The following PENK variants were observed in gnomAD, a reference collection of about 807,000 sequenced individuals.
PENK encodes proenkephalin.
PENK carries 25 observed loss-of-function variants against 24.1 expected under a neutral mutation model. The observed-to-expected ratio is 1.04, with a 90% confidence interval of 0.76 to 1.45. The LOEUF is 1.45. PENK is among the 40% of genes most tolerant of loss of function. The pLI is 0.00. For synonymous variants in PENK, 135 were observed against 130.3 expected (o/e 1.04, Z -0.24); for missense variants, 353 against 337.9 (o/e 1.04, Z -0.35).
Position 56,441,425 on chromosome 8 carries a change from T to C in PENK, c.651A>G (p.Val217=). 2 of 1,614,036 alleles carry C rather than the reference T, an allele frequency of 1.2e-6. No individual in the cohort carries two copies. The highest frequency in any genetic ancestry group is 4.5e-5 in the East Asian group (2 of 44,878). ...AGTCCATCCACCACTCTGGGCGACC[T>C]ACTCTTCTCATGAAGCCCCCATATC... ...QKRYGGFMRR[V]GRPEWWMDYQ... is the part of the protein sequence containing the mutation. The change falls in exon 4 of 4, where the codon GTA becomes GTG. Residue 217 remains valine, a synonymous_variant. Coordinates refer to ENST00000451791, the MANE Select transcript of PENK (RefSeq NM_001135690.3).
chr8:56,444,187 GA>G (rs927236148), intron 3 of PENK, among the ~76,000 whole-genome samples: 4 of 152,200 alleles, frequency 2.6e-5, no homozygotes, highest in East Asian at 1.9e-4. Flanking sequence ...GATTAAGTAT[GA>G]AAAAAACCCA....
In PENK at chr8:56,445,968, G is replaced by C. The variant is rs1187159996; in HGVS notation, c.-3-12C>G. 5.7e-6 allele frequency: 9 copies of C among 1,588,364 alleles called. No individual in the cohort carries two copies. The highest frequency in any genetic ancestry group is 2.3e-5 in the South Asian group (2 of 88,354). On this transcript the variant is annotated splice_polypyrimidine_tract_variant and intron_variant, in intron 2 of 3. Coordinates refer to ENST00000451791, the MANE Select transcript of PENK (RefSeq NM_001135690.3). ...AACCGCGCCATGGACTGCGAGGAGA[G>C]AGGGACGCGTGCTTCGAGCCTGCCT... is the stretch of plus-strand genomic sequence containing the variant.
Position 56,441,442 on chromosome 8 carries a change from C to T in PENK, c.634G>A (p.Gly212Ser), listed in dbSNP as rs754639535. 6.2e-6 allele frequency: 10 copies of T among 1,613,734 alleles called. No homozygotes were observed. The Admixed American group carries it at 1.0e-4, about 16-fold the overall frequency. The part of the protein sequence containing the change: ...EAKELQKRYG[G>S]FMRRVGRPEW... Reference sequence around the variant, plus strand: ...GGGCGACCTACTCTTCTCATGAAGCCCCCATATCGCTTCTGCAGCTCTTTG... The same window carrying T: ...GGGCGACCTACTCTTCTCATGAAGCTCCCATATCGCTTCTGCAGCTCTTTG... The change falls in exon 4 of 4, where the codon GGC (glycine) becomes AGC (serine). Residue 212 changes from glycine (G) to serine (S), a missense_variant. Gly to Ser is a moderately conservative substitution (Grantham distance 56, BLOSUM62 0). Coordinates refer to ENST00000451791, the MANE Select transcript of PENK (RefSeq NM_001135690.3).
intron 2 of PENK, 144 bp from the exon 3 acceptor site, chr8:56,446,100 C>G (rs1478613866): frequency 2.1e-5 from 19 of 898,754 alleles, no homozygotes; most frequent in Non-Finnish European, 2.8e-5. Flanking sequence ...CCCGCCCTCC[C>G]GGCCGACAGC....
In PENK at chr8:56,445,528, G is replaced by A. The variant is rs1586000593; in HGVS notation, c.138+288C>T. 5.0e-6 allele frequency: 3 copies of A among 600,772 alleles called. No homozygotes were observed. In the East Asian group the frequency reaches 8.3e-5, roughly 17 times the overall value. 37.2% of individuals were successfully genotyped at this position (600,772 alleles called of 1,614,324 possible). A position where few individuals can be genotyped will look rare whatever the true frequency, so the allele number is the denominator to read the frequency against. ...AGGTGCTGAACAGAGGACTTCTCGG[G>A]GTTCCCGAATTCCCAGGGTTAAAAC... On this transcript the variant is annotated intron_variant, in intron 3 of 3. Coordinates refer to ENST00000451791, the MANE Select transcript of PENK (RefSeq NM_001135690.3).
Position 56,445,898 on chromosome 8 carries a change from A to G in PENK, c.56T>C (p.Leu19Pro), listed in dbSNP as rs1439565285. Reference sequence around the variant, plus strand: ...GCTGCATTCGGCCCGCACGGTCGCCAGGAGCCCGGGGCCGAGCAACAGCAG... The same window carrying G: ...GCTGCATTCGGCCCGCACGGTCGCCGGGAGCCCGGGGCCGAGCAACAGCAG... ...TWLLLLGPGL[L>P]ATVRAECSQD... is the part of the protein sequence containing the mutation. Residue 19 changes from leucine (L) to proline (P), a missense_variant, in exon 3 of 4, where the codon CTG becomes CCG. Transcript: ENST00000451791. 1.7e-5 allele frequency: 27 copies of G among 1,612,776 alleles called. No homozygotes were observed. Among genetic ancestry groups the G allele is most frequent in the Non-Finnish European group, 2.2e-5 (26 of 1,179,786 alleles).
rs895891188 is a variant in PENK at position 56,441,515 on chromosome 8, C to T, written c.561G>A (p.Gly187=). The T allele has an allele frequency of 5.0e-6, 8 of 1,613,606 alleles. No homozygotes were observed. The highest frequency in any genetic ancestry group is 1.7e-5 in the Admixed American group (1 of 60,000). ...TTCTCTTTAAGCCTCTCATGAAGCC[C>T]CCATATCTCTTGCTCACTTCTTCCT... ...DNEEEVSKRY[G]GFMRGLKRSP... The change falls in exon 4 of 4, where the codon GGG becomes GGA. Residue 187 remains glycine (G), a synonymous_variant. Coordinates refer to ENST00000451791, the MANE Select transcript of PENK (RefSeq NM_001135690.3).
At chr8:56,443,777 A>T (rs948026668) in intron 3 of PENK, 3 of 432,806 alleles carry the variant, frequency 6.9e-6, no homozygotes, top group Admixed American at 8.3e-5. Flanking sequence ...TCATTGAGAC[A>T]ATAACAACCC....
chr8:56,445,636 A>C, intron 3 of PENK, 180 bp downstream of exon 3: 1 of 743,772 alleles, frequency 1.3e-6, no homozygotes, highest in Non-Finnish European at 2.3e-6. Flanking sequence ...CCAGGGCAGG[A>C]CTTCAGTCAG....
At position 56,445,722 on chromosome 8, in the gene PENK, A is replaced by C. The variant is rs568142774; in HGVS notation, c.138+94T>G. 9.7e-6 allele frequency: 15 copies of C among 1,544,302 alleles called. No individual in the cohort carries two copies. The African/African-American group carries it at 2.0e-4, about 21-fold the overall frequency. On this transcript the variant is annotated intron_variant, in intron 3 of 3. Transcript: ENST00000451791. ...CGGCTCCGACCCGGTGCGAACCGCC[A>C]TACGCGCCGCGCGGTGGGCCGGAGG...
chr8:56,445,766 G>A (rs779874497), intron 3 of PENK, 50 bp downstream of exon 3: 26 of 1,611,834 alleles, frequency 1.6e-5, no homozygotes, highest in Non-Finnish European at 2.2e-5. Flanking sequence ...GTACTGTTGC[G>A]GAAACTCTGT....
At chr8:56,445,289 G>A (rs539706647) in intron 3 of PENK, 1 of 214,608 alleles carries the variant, frequency 4.7e-6, no homozygotes, top group Non-Finnish European at 9.2e-6. Context: ...CTATTTACAG[G>A]TGAGGGTAGG....
chr8:56,444,998 T>G (rs989418865), intron 3 of PENK, among the ~76,000 whole-genome samples: 1 of 152,220 alleles, frequency 6.6e-6, no homozygotes, highest in African/African-American at 2.4e-5. Flanking sequence ...TGGGGAACCA[T>G]GATCAGAATG....
intron 2 of PENK, 111 bp from the exon 3 acceptor site, chr8:56,446,067 G>C: frequency 8.0e-7 from 1 of 1,249,466 alleles, no homozygotes; most frequent in South Asian, 1.5e-5. Context: ...GCAAAAGCCC[G>C]CAGGAATGCT....
chr8:56,444,571 G>C (rs1184449899), intron 3 of PENK, among the ~76,000 whole-genome samples: 2 of 152,216 alleles, frequency 1.3e-5, no homozygotes, highest in Admixed American at 6.5e-5. Flanking sequence ...GACTACAGGA[G>C]AAAGAAGAAA....
At chr8:56,446,015 G>C (rs563976749) in intron 2 of PENK, 59 bp from the exon 3 acceptor site, 108 of 1,499,618 alleles carry the variant, frequency 7.2e-5, no homozygotes, top group South Asian at 1.0e-4. Flanking sequence ...GGGGTCCCTC[G>C]GCAGGACCCT....
intron 3 of PENK, among the ~76,000 whole-genome samples, chr8:56,444,351 G>A (rs902469181): frequency 6.6e-5 from 10 of 152,254 alleles, no homozygotes; most frequent in Non-Finnish European, 1.3e-4. Context: ...AAAGCTAGGG[G>A]AGGGGGCTGA....
rs1173326472 is a variant in PENK at position 56,440,982 on chromosome 8, T to G, written c.*290A>C. Reference sequence around the variant, plus strand: ...TGCACTTGGGGTAATAGGTTTATTATCTCTATATACAAGTAAGCATTTATT... The same window carrying G: ...TGCACTTGGGGTAATAGGTTTATTAGCTCTATATACAAGTAAGCATTTATT... On this transcript the variant is annotated 3_prime_UTR_variant, in exon 4 of 4. Transcript: ENST00000451791. 1 of 279,952 alleles carries G rather than the reference T, an allele frequency of 3.6e-6. No individual in the cohort carries two copies. The highest frequency in any genetic ancestry group is 2.2e-5 in the African/African-American group (1 of 45,754). The allele number at this position is 279,952 out of a possible 1,614,324, so 17.3% of individuals were successfully genotyped here.
rs1401462992 is a variant in PENK at position 56,445,485 on chromosome 8, A to C, written c.138+331T>G. 10 of 562,286 alleles carry C rather than the reference A, an allele frequency of 1.8e-5. No individual in the cohort carries two copies. The African/African-American group carries it at 1.9e-4, about 11-fold the overall frequency. 34.8% of individuals were successfully genotyped at this position (562,286 alleles called of 1,614,324 possible). On this transcript the variant is annotated intron_variant, in intron 3 of 3. Coordinates refer to ENST00000451791, the MANE Select transcript of PENK (RefSeq NM_001135690.3). ...CATCTTCCTTCTGACAGCCCAGGAG[A>C]GAACCCAGTGCTATCCGAGGTGCTG...
Sources: gnomAD v4.1 joint callset for allele counts (sites outside exome capture counted in the v4.1 genomes callset) on GRCh38, gnomAD v4.1.1 for gene constraint, MANE v1.5 for transcripts, NCBI Gene and HGNC (gene_info 2026-07-23, HGNC 2026-07-21) for gene names.